The following DBT variants were observed in gnomAD, a reference collection of about 807,000 sequenced individuals.
DBT encodes dihydrolipoamide branched chain transacylase E2, also known as lipoamide acyltransferase component of branched-chain alpha-keto acid dehydrogenase complex, mitochondrial.
In DBT, 40 loss-of-function variants were observed where a neutral mutation model predicts 51.3. That is an observed-to-expected ratio of 0.78 (90% CI 0.61 to 1.02). The LOEUF (loss-of-function observed/expected upper bound fraction) is 1.02. DBT is among the 50% of genes least tolerant of loss of function. DBT has a pLI of 0.00. For synonymous variants in DBT, 181 were observed against 190.4 expected, an observed-to-expected ratio of 0.95 and a Z score of 0.41; for missense variants, 510 against 580.2, an observed-to-expected ratio of 0.88 and a Z score of 1.24.
At chr1:100,233,508 C>T (rs772963835) in intron 3 of DBT, among the ~76,000 whole-genome samples, 14 of 152,230 alleles carry the variant, frequency 9.2e-5, no homozygotes, top group South Asian at 2.1e-4. Context: ...CCAAGTGCAA[C>T]GCAATACATA....
intron 2 of DBT, 37 bp from the exon 3 acceptor site, chr1:100,235,548 A>G (rs371676842): frequency 6.6e-5 from 73 of 1,110,304 alleles, no homozygotes; most frequent in Non-Finnish European, 9.5e-5. Context: ...CATTAAGTAT[A>G]TAACATATTA....
rs531338485 is a variant in DBT at position 100,221,048 on chromosome 1, G to A, written c.434-2301C>T. 4.3e-4 allele frequency among the ~76,000 whole-genome samples: 65 copies of A among 152,290 alleles called. 1 individual carries two copies. Among genetic ancestry groups the A allele is most frequent in the Admixed American group, 1.6e-3 (24 of 15,280 alleles). On this transcript the variant is annotated intron_variant, in intron 4 of 10. Coordinates refer to ENST00000370132, the MANE Select transcript of DBT (RefSeq NM_001918.5). Reference sequence around the variant, plus strand: ...TTGGATAATGCATATTTGCTGAAGAGAATGTATAAATATCCAAATATATAA... The same window carrying A: ...TTGGATAATGCATATTTGCTGAAGAAAATGTATAAATATCCAAATATATAA...
At chr1:100,225,845 A>AAAG (rs1663167076) in intron 4 of DBT, among the ~76,000 whole-genome samples, 1 of 151,462 alleles carries the variant, frequency 6.6e-6, no homozygotes, top group East Asian at 1.9e-4. Context: ...AAAAAAAAAA[A>AAAG]AAATCAGAAG....
At chr1:100,198,849 G>T (rs1463505132) in intron 10 of DBT, among the ~76,000 whole-genome samples, 2 of 152,180 alleles carry the variant, frequency 1.3e-5, no homozygotes, top group Non-Finnish European at 2.9e-5. Flanking sequence ...GAAAGAATTT[G>T]TGAGGGTTCC....
intron 7 of DBT, among the ~76,000 whole-genome samples, chr1:100,211,382 C>T (rs1662125571): frequency 6.6e-6 from 1 of 152,200 alleles, no homozygotes. Flanking sequence ...TCAGATTTCC[C>T]TAACTGTACC....
intron 4 of DBT, among the ~76,000 whole-genome samples, chr1:100,226,285 T>A (rs1570830753): frequency 3.7e-3 from 3 of 806 alleles, no homozygotes; most frequent in Admixed American, 0.038. Flanking sequence ...AATTATGCCT[T>A]TTTTTTTTTT....
chr1:100,204,383 A>G (rs1253609740), intron 10 of DBT, among the ~76,000 whole-genome samples: 1 of 152,222 alleles, frequency 6.6e-6, no homozygotes, highest in Non-Finnish European at 1.5e-5. Context: ...ATACCTAGGA[A>G]TCCAACTTAC....
Position 100,196,296 on chromosome 1 carries a change from A to T in DBT, c.1408T>A (p.Tyr470Asn). ...MSRFSNLWKSYLENPAFMLLD... is the reference protein window; with the variant it reads ...MSRFSNLWKSNLENPAFMLLD... ...AGCATAAAAGCTGGGTTTTCTAAAT[A>T]GGATTTCCACAAATTGGAGAAGCGT... The change falls in exon 11 of 11, where the codon TAT becomes AAT. Residue 470 changes from tyrosine to asparagine, a missense_variant. Transcript: ENST00000370132. 2 of 1,614,050 alleles carry T rather than the reference A, an allele frequency of 1.2e-6. No homozygotes were observed. The highest frequency in any genetic ancestry group is 1.7e-6 in the Non-Finnish European group (2 of 1,180,000).
chr1:100,195,524 C>T lies in DBT; in HGVS notation c.*731G>A, dbSNP rs1480296744. The T allele has an allele frequency of 6.6e-6, 1 of 152,066 alleles. No individual in the cohort carries two copies. Among genetic ancestry groups the T allele is most frequent in the Non-Finnish European group, 1.5e-5 (1 of 68,048 alleles). 9.4% of individuals were successfully genotyped at this position (152,066 alleles called of 1,614,324 possible). A position where few individuals can be genotyped will look rare whatever the true frequency, so the allele number is the denominator to read the frequency against. ...TGCACTTATTTCATACAACAATTAG[C>T]ATAATAACGGAAATGGAAAATATTT... On this transcript the variant is annotated 3_prime_UTR_variant, in exon 11 of 11. Transcript: ENST00000370132.
chr1:100,248,281 T>G (rs548049301), intron 1 of DBT, among the ~76,000 whole-genome samples: 123 of 152,296 alleles, frequency 8.1e-4, no homozygotes, highest in South Asian at 8.3e-4. Flanking sequence ...AATGAACTAC[T>G]AGGGAAATGA....
At chr1:100,221,669 G>C (rs1662865159) in intron 4 of DBT, among the ~76,000 whole-genome samples, 1 of 152,172 alleles carries the variant, frequency 6.6e-6, no homozygotes, top group African/African-American at 2.4e-5. Context: ...TAGGGAATTA[G>C]AGTACAGTTT....
At chr1:100,246,837 A>G (rs1300833871) in intron 1 of DBT, among the ~76,000 whole-genome samples, 1 of 152,186 alleles carries the variant, frequency 6.6e-6, no homozygotes, top group African/African-American at 2.4e-5. Context: ...AAGGAAATAG[A>G]GTGTGTTAAG....
In DBT at chr1:100,196,442, A is replaced by T; in HGVS notation, c.1282-20T>A. 1 of 1,449,302 alleles carries T rather than the reference A, an allele frequency of 6.9e-7. No individual in the cohort carries two copies. 89.8% of individuals were successfully genotyped at this position (1,449,302 alleles called of 1,614,324 possible). On this transcript the variant is annotated intron_variant, in intron 10 of 10. Coordinates refer to ENST00000370132, the MANE Select transcript of DBT (RefSeq NM_001918.5). Reference sequence around the variant, plus strand: ...AATGGCCTAGAAATGAAAAAAAAAAAAAAAAAAAAAAAAAAAAGAACAAAG... The same window carrying T: ...AATGGCCTAGAAATGAAAAAAAAAATAAAAAAAAAAAAAAAAAGAACAAAG...
At position 100,213,247 on chromosome 1, in the gene DBT, G is replaced by A. The variant is rs956354388; in HGVS notation, c.939+1570C>T. 5.8e-6 allele frequency: 7 copies of A among 1,213,632 alleles called. 1 individual carries two copies. Among genetic ancestry groups the A allele is most frequent in the East Asian group, 3.4e-5 (1 of 29,202 alleles). 75.2% of individuals were successfully genotyped at this position (1,213,632 alleles called of 1,614,324 possible). ...CAGAGGGGCCCGAGCCACCCGGGGC[G>A]TGCGCCGCGTCCCCGCCGGGGCCGA... On this transcript the variant is annotated intron_variant, in intron 7 of 10. Transcript: ENST00000370132.
chr1:100,206,544 G>T lies in DBT; in HGVS notation c.1110C>A (p.Ile370=). The T allele has an allele frequency of 6.2e-7, 1 of 1,611,264 alleles. No individual in the cohort carries two copies. The highest frequency in any genetic ancestry group is 8.5e-7 in the Non-Finnish European group (1 of 1,177,480). Reference sequence around the variant, plus strand: ...TCTGGAGGCGGTTCAGTTCAGTGGCGATGTCAAATATAGAGCAGATCTGAA... The same window carrying T: ...TCTGGAGGCGGTTCAGTTCAGTGGCTATGTCAAATATAGAGCAGATCTGAA... ...KNVQICSIFD[I]ATELNRLQKL... Residue 370 remains isoleucine (I), a synonymous_variant, in exon 9 of 11, where the codon ATC becomes ATA. Coordinates refer to ENST00000370132, the MANE Select transcript of DBT (RefSeq NM_001918.5).
chr1:100,205,479 G>A (rs1341895278), intron 10 of DBT, among the ~76,000 whole-genome samples: 3 of 152,184 alleles, frequency 2.0e-5, no homozygotes, highest in African/African-American at 4.8e-5. Flanking sequence ...TAGAGAGATA[G>A]AAACGCTTTT....
At position 100,206,302 on chromosome 1, in the gene DBT, C is replaced by G. The variant is rs1271011315; in HGVS notation, c.1210-1G>C. ...CTGGTTTGGCAAAGGTACCACCAAT[C>G]TATTTTTTAAAAAAAAAAAAAGGAG... is the stretch of plus-strand genomic sequence containing the variant. On this transcript the variant is annotated splice_acceptor_variant, in intron 9 of 10. Transcript: ENST00000370132. LOFTEE classifies it high-confidence loss of function. 6.2e-7 allele frequency: 1 copy of G among 1,602,994 alleles called. No homozygotes were observed. Among genetic ancestry groups the G allele is most frequent in the Admixed American group, 1.7e-5 (1 of 59,360 alleles).
Position 100,195,990 on chromosome 1 carries a change from A to G in DBT, c.*265T>C. 2 of 480,766 alleles carry G rather than the reference A, an allele frequency of 4.2e-6. No homozygotes were observed. The highest frequency in any genetic ancestry group is 4.5e-5 in the South Asian group (2 of 44,696). The allele number at this position is 480,766 out of a possible 1,614,324, so 29.8% of individuals were successfully genotyped here. On this transcript the variant is annotated 3_prime_UTR_variant, in exon 11 of 11. Coordinates refer to ENST00000370132, the MANE Select transcript of DBT (RefSeq NM_001918.5). ...TAATTTTGTTAATCTTGCCAGTTTCAAGCCATTGACACAAAAACATCAGCA... is the reference window on the plus strand; with the variant it reads ...TAATTTTGTTAATCTTGCCAGTTTCGAGCCATTGACACAAAAACATCAGCA...
intron 2 of DBT, 69 bp from the exon 3 acceptor site, chr1:100,235,580 A>G: frequency 1.2e-6 from 1 of 828,500 alleles, no homozygotes. Flanking sequence ...TTTCACATCT[A>G]AAATTAGAGA....
Sources: gnomAD v4.1 joint callset for allele counts (sites outside exome capture counted in the v4.1 genomes callset) on GRCh38, gnomAD v4.1.1 for gene constraint, MANE v1.5 for transcripts, NCBI Gene and HGNC (gene_info 2026-07-23, HGNC 2026-07-21) for gene names.